Variants in C8orf34 observed in about 807,000 individuals in gnomAD.
C8orf34 encodes the protein chromosome 8 open reading frame 34, also known as uncharacterized protein C8orf34.
In C8orf34, 65 loss-of-function variants were observed where a neutral mutation model predicts 68.3. The ratio of observed to expected loss-of-function variants is 0.95; its 90% confidence interval spans 0.78 to 1.17. The LOEUF is 1.17. C8orf34 is among the 50% of genes most tolerant of loss of function. The pLI, the probability that C8orf34 is intolerant of heterozygous loss-of-function variation, is 0.00. For missense variants in C8orf34, 664 were observed against 655.4 expected (o/e 1.01, Z -0.14); for synonymous variants, 244 against 241.2 (o/e 1.01, Z -0.11).
At chr8:68,395,151 A>T (rs1256153980) in intron 1 of C8orf34, among the ~76,000 whole-genome samples, 1 of 152,074 alleles carries the variant, frequency 6.6e-6, no homozygotes, top group Non-Finnish European at 1.5e-5. Flanking sequence ...AACAACTATC[A>T]GTATGGAAAT....
chr8:68,602,625 G>A (rs1015006746), intron 7 of C8orf34, among the ~76,000 whole-genome samples: 1 of 152,112 alleles, frequency 6.6e-6, no homozygotes, highest in African/African-American at 2.4e-5. Context: ...TGAGATTTGG[G>A]TGGGGAAACA....
chr8:68,738,529 A>T (rs1822186758), intron 10 of C8orf34, among the ~76,000 whole-genome samples: 1 of 152,142 alleles, frequency 6.6e-6, no homozygotes, highest in South Asian at 2.1e-4. Context: ...AAATTAATAA[A>T]TTACATAGAT....
chr8:68,532,916 A>C (rs1032880279), intron 6 of C8orf34, 67 bp from the exon 7 acceptor site: 1 of 1,190,882 alleles, frequency 8.4e-7, no homozygotes, highest in Non-Finnish European at 1.2e-6. Flanking sequence ...TAAAATAACC[A>C]AATGGAAATT....
At chr8:68,774,971 G>C (rs1175074088) in intron 10 of C8orf34, among the ~76,000 whole-genome samples, 1 of 78,958 alleles carries the variant, frequency 1.3e-5, no homozygotes, top group East Asian at 2.5e-4. Context: ...AAAAAAATTA[G>C]CTGGGCGGGG....
In C8orf34 at chr8:68,746,273, A is replaced by G. The variant is rs1239364745; in HGVS notation, c.1404+24836A>G. On this transcript the variant is annotated intron_variant, in intron 10 of 13. Transcript: ENST00000518698. ...AAATTTATAGCACTAAATGCCCACA[A>G]GAGAAAGCAGGAAAGATCCAAAATT... is the stretch of plus-strand genomic sequence containing the variant. Among the ~76,000 whole-genome samples, 4 of 148,430 alleles carry G rather than the reference A, an allele frequency of 2.7e-5. No individual in the cohort carries two copies. In the East Asian group the frequency reaches 6.0e-4, roughly 22 times the overall value.
At chr8:68,605,164 C>T (rs1029351975) in intron 7 of C8orf34, among the ~76,000 whole-genome samples, 2 of 152,084 alleles carry the variant, frequency 1.3e-5, no homozygotes, top group African/African-American at 2.4e-5. Flanking sequence ...TGAGATGTTA[C>T]TACACACCTG....
chr8:68,451,720 C>G (rs1811353159), intron 3 of C8orf34, among the ~76,000 whole-genome samples: 1 of 151,948 alleles, frequency 6.6e-6, no homozygotes, highest in South Asian at 2.1e-4. Context: ...TCACTGATCA[C>G]TGGTCACCAT....
At chr8:68,482,435 A>T (rs1812899885) in intron 4 of C8orf34, among the ~76,000 whole-genome samples, 1 of 152,140 alleles carries the variant, frequency 6.6e-6, no homozygotes, top group African/African-American at 2.4e-5. Flanking sequence ...GGTGTTTTTT[A>T]AAATTTATTT....
At chr8:68,633,803 G>T (rs779379676) in intron 7 of C8orf34, among the ~76,000 whole-genome samples, 6 of 150,644 alleles carry the variant, frequency 4.0e-5, no homozygotes, top group Non-Finnish European at 5.9e-5. Context: ...AAAGAAAAAA[G>T]AAGGAAGAAA....
chr8:68,472,934 A>T (rs996024750), intron 4 of C8orf34, among the ~76,000 whole-genome samples: 9 of 152,148 alleles, frequency 5.9e-5, no homozygotes, highest in Non-Finnish European at 1.2e-4. Context: ...ACAAGTGGCT[A>T]CCATACTGGA....
At chr8:68,673,707 T>C (rs918328349) in intron 8 of C8orf34, among the ~76,000 whole-genome samples, 2 of 151,984 alleles carry the variant, frequency 1.3e-5, no homozygotes, top group Non-Finnish European at 2.9e-5. Flanking sequence ...TGGCAGTAAC[T>C]CATCACCCTA....
At chr8:68,638,255 A>G (rs1056285109) in intron 7 of C8orf34, among the ~76,000 whole-genome samples, 2 of 152,096 alleles carry the variant, frequency 1.3e-5, no homozygotes, top group African/African-American at 4.8e-5. Context: ...TATTCATTTG[A>G]AGCCATCTGG....
At chr8:68,667,104 T>A (rs1256686915) in intron 8 of C8orf34, among the ~76,000 whole-genome samples, 1 of 152,184 alleles carries the variant, frequency 6.6e-6, no homozygotes, top group Non-Finnish European at 1.5e-5. Context: ...TGATTAATTT[T>A]TTTTGCAAAT....
intron 7 of C8orf34, among the ~76,000 whole-genome samples, chr8:68,593,323 G>GAAAGATTGT (rs1817451355): frequency 6.6e-6 from 1 of 151,990 alleles, no homozygotes; most frequent in African/African-American, 2.4e-5. Context: ...ATCTATATGT[G>GAAAGATTGT]AAAGATTGTA....
intron 10 of C8orf34, 134 bp from the exon 11 acceptor site, chr8:68,776,265 C>T (rs1823514595): frequency 2.9e-6 from 2 of 681,206 alleles, no homozygotes; most frequent in Non-Finnish European, 5.1e-6. Context: ...CTAACAATCC[C>T]ACAAGTATCA....
intron 7 of C8orf34, among the ~76,000 whole-genome samples, chr8:68,595,952 T>A (rs1817535815): frequency 6.6e-6 from 1 of 152,158 alleles, no homozygotes; most frequent in Non-Finnish European, 1.5e-5. Context: ...TTTTTTCTTC[T>A]AATTACTCAT....
intron 7 of C8orf34, among the ~76,000 whole-genome samples, chr8:68,583,756 TC>T (rs1292041782): frequency 6.6e-6 from 1 of 152,182 alleles, no homozygotes; most frequent in African/African-American, 2.4e-5. Flanking sequence ...TGCTTTTTTT[TC>T]AAATTAGAGC....
intron 7 of C8orf34, among the ~76,000 whole-genome samples, chr8:68,594,148 G>A (rs1474207012): frequency 6.6e-6 from 1 of 152,028 alleles, no homozygotes; most frequent in Non-Finnish European, 1.5e-5. Context: ...AACTGTGCCT[G>A]TCTCTGATTG....
intron 10 of C8orf34, among the ~76,000 whole-genome samples, chr8:68,755,158 G>T (rs1822819046): frequency 6.6e-6 from 1 of 152,110 alleles, no homozygotes; most frequent in South Asian, 2.1e-4. Context: ...TACTAAGCAT[G>T]TATAAGATCT....
Sources: allele counts gnomAD v4.1 joint callset (sites outside exome capture counted in the v4.1 genomes callset), GRCh38; gene constraint gnomAD v4.1.1; transcripts MANE v1.5; gene names NCBI Gene and HGNC (gene_info 2026-07-23, HGNC 2026-07-21).